Variants in COL25A1 observed in about 807,000 individuals in gnomAD.
COL25A1 encodes the protein collagen type XXV alpha 1 chain.
COL25A1 carries 103 observed loss-of-function variants against 128.4 expected under a neutral mutation model. That is an observed-to-expected ratio of 0.80 (90% confidence interval 0.68 to 0.94). The LOEUF is 0.94. Ranked by LOEUF, COL25A1 falls within the 40% of genes least tolerant of loss-of-function variation. The probability of loss-of-function intolerance (pLI) is 0.00; values close to 1 mark genes in which losing one functional copy is unlikely to be tolerated. For synonymous variants in COL25A1, 279 were observed against 277.2 expected, an observed-to-expected ratio of 1.01 and a Z score of -0.06; for missense variants, 745 against 840.0, an observed-to-expected ratio of 0.89 and a Z score of 1.40.
intron 35 of COL25A1, 71 bp from the exon 36 acceptor site, chr4:108,819,400 G>A (rs962047274): frequency 2.4e-6 from 3 of 1,268,092 alleles, no homozygotes; most frequent in African/African-American, 3.0e-5. Flanking sequence ...TGCGAAAGAA[G>A]TAACTACAAC....
At position 109,301,841 on chromosome 4, in the gene COL25A1, T is replaced by C. The variant is rs35861316; in HGVS notation, c.179A>G (p.Gln60Arg). Residue 60 changes from glutamine to arginine, a missense_variant, in exon 2 of 38, where the codon CAG becomes CGG. Physicochemically the swap from Gln to Arg is conservative, Grantham distance 43. Transcript: ENST00000399132. ...LYLGVKTNDLQARIAALESAK... is the reference protein window; with the variant it reads ...LYLGVKTNDLRARIAALESAK... ...GGATTCGAGAGCGGCGATCCTCGCC[T>C]GGAGGTCGTTGGTTTTCACACCCAG... 101 of 1,614,098 alleles carry C rather than the reference T, an allele frequency of 6.3e-5. No individual in the cohort carries two copies. Among genetic ancestry groups the C allele is most frequent in the Non-Finnish European group, 9.3e-6 (11 of 1,180,048 alleles).
At chr4:108,966,253 C>T (rs1751281200) in intron 8 of COL25A1, among the ~76,000 whole-genome samples, 1 of 124,480 alleles carries the variant, frequency 8.0e-6, no homozygotes, top group Non-Finnish European at 1.7e-5. Flanking sequence ...GGCCATTCAT[C>T]CATTCATATG....
At chr4:108,979,435 T>A (rs1752747811) in intron 6 of COL25A1, among the ~76,000 whole-genome samples, 1 of 152,126 alleles carries the variant, frequency 6.6e-6, no homozygotes, top group Non-Finnish European at 1.5e-5. Flanking sequence ...AGGCCTGGAG[T>A]AACCCAATCA....
In COL25A1 at chr4:108,845,207, C is replaced by T. The variant is rs765579041; in HGVS notation, c.1560G>A (p.Pro520=). ...GACTTACAGAAGGACCCTGTGGACC[C>T]GGCATTCCAGAATCTCCTTTTTCTC... ...MKGEKGDSGM[P]GPQGPSIIGP... The change falls in exon 29 of 38, where the codon CCG becomes CCA. Residue 520 remains proline, a synonymous_variant. Coordinates refer to ENST00000399132, the MANE Select transcript of COL25A1 (RefSeq NM_198721.4). 54 of 1,613,788 alleles carry T rather than the reference C, an allele frequency of 3.3e-5. No homozygotes were observed. Among genetic ancestry groups the T allele is most frequent in the Non-Finnish European group, 2.9e-5 (34 of 1,179,816 alleles).
chr4:108,832,545 C>T lies in COL25A1; in HGVS notation c.1657-112G>A, dbSNP rs890018719. 4 of 667,916 alleles carry T rather than the reference C, an allele frequency of 6.0e-6. No individual in the cohort carries two copies. In the Admixed American group the frequency reaches 1.2e-4, roughly 21 times the overall value. The allele number at this position is 667,916 out of a possible 1,614,324, so 41.4% of individuals were successfully genotyped here. A position where few individuals can be genotyped will look rare whatever the true frequency, so the allele number is the denominator to read the frequency against. ...GCCTAAGAATATCAGTAAGACAACT[C>T]ATCTCCTTTCAAAGTGCTTTATGCT... On this transcript the variant is annotated intron_variant, in intron 31 of 37. Coordinates refer to ENST00000399132, the MANE Select transcript of COL25A1 (RefSeq NM_198721.4).
chr4:108,968,359 T>C (rs763397165), intron 8 of COL25A1, among the ~76,000 whole-genome samples: 13 of 152,158 alleles, frequency 8.5e-5, no homozygotes, highest in Non-Finnish European at 1.5e-4. Flanking sequence ...ACTTCCACTC[T>C]CACTACTTAA....
chr4:109,207,415 A>C (rs1777101751), intron 3 of COL25A1, among the ~76,000 whole-genome samples: 1 of 152,016 alleles, frequency 6.6e-6, no homozygotes, highest in Non-Finnish European at 1.5e-5. Context: ...GATTTGCAAG[A>C]GGATCACTGA....
intron 31 of COL25A1, chr4:108,837,962 G>C: frequency 1.4e-6 from 1 of 695,910 alleles, no homozygotes. Context: ...ACTGGGCTGA[G>C]CTCTGCTCTA....
intron 6 of COL25A1, among the ~76,000 whole-genome samples, chr4:108,987,382 CT>C (rs36004961): frequency 0.77 from 109,195 of 141,688 alleles, 43,222 homozygotes; most frequent in East Asian, 1. Context: ...TTTTCTTTTT[CT>C]TTTTTTTTTT....
chr4:109,089,941 T>C (rs923784401), intron 3 of COL25A1, among the ~76,000 whole-genome samples: 47 of 152,206 alleles, frequency 3.1e-4, no homozygotes, highest in African/African-American at 1.0e-3. Flanking sequence ...AGGACTTTTT[T>C]TTTTTCAAAA....
chr4:108,832,975 A>ATAAATAAATAAATAAATAAATACT (rs1164341783), intron 31 of COL25A1, among the ~76,000 whole-genome samples: 2 of 53,206 alleles, frequency 3.8e-5, no homozygotes, highest in Non-Finnish European at 8.6e-5. Context: ...TCAAAAAATA[A>ATAAATAAATAAATAAATAAATACT]TAAATAAATA....
At chr4:108,853,836 T>G (rs7688195) in intron 24 of COL25A1, among the ~76,000 whole-genome samples, 121,870 of 151,948 alleles carry the variant, frequency 0.8, 49,464 homozygotes, top group South Asian at 0.89. Context: ...TCCCTACAAA[T>G]GACATGAACT....
chr4:109,243,426 TA>T (rs1265960729), intron 3 of COL25A1, among the ~76,000 whole-genome samples: 2 of 151,662 alleles, frequency 1.3e-5, no homozygotes, highest in Non-Finnish European at 2.9e-5. Flanking sequence ...CTCTTTATCC[TA>T]AAAAAAATTT....
rs112769571 is a variant in COL25A1, at chr4:108,893,620, G to A, written c.906+3047C>T. Among the ~76,000 whole-genome samples the A allele has an allele frequency of 2.7e-3, 416 of 152,056 alleles. 3 individuals are homozygous for A. Among genetic ancestry groups the A allele is most frequent in the African/African-American group, 9.6e-3 (397 of 41,452 alleles). ...TTACTTTACCATCCAAAGGCGCTGA[G>A]TTGAATCAAAAGGAAAAAAAAATCC... On this transcript the variant is annotated intron_variant, in intron 16 of 37. Coordinates refer to ENST00000399132, the MANE Select transcript of COL25A1 (RefSeq NM_198721.4).
At chr4:109,173,279 G>A (rs1381043734) in intron 3 of COL25A1, among the ~76,000 whole-genome samples, 1 of 151,992 alleles carries the variant, frequency 6.6e-6, no homozygotes, top group African/African-American at 2.4e-5. Context: ...GTAGAGATGA[G>A]GTCTCACTAT....
At chr4:109,043,116 C>A (rs879343913) in intron 5 of COL25A1, among the ~76,000 whole-genome samples, 20 of 106,402 alleles carry the variant, frequency 1.9e-4, no homozygotes, top group Non-Finnish European at 3.1e-4. Context: ...CCAATGCTCA[C>A]CCTTCTCTGT....
chr4:109,078,858 G>A (rs1040376146), intron 3 of COL25A1, among the ~76,000 whole-genome samples: 2 of 152,200 alleles, frequency 1.3e-5, no homozygotes, highest in Non-Finnish European at 2.9e-5. Flanking sequence ...AGCAGCTACA[G>A]CACACTGGCT....
chr4:108,833,393 C>CA (rs1733403948), intron 31 of COL25A1, among the ~76,000 whole-genome samples: 2 of 152,120 alleles, frequency 1.3e-5, no homozygotes, highest in Non-Finnish European at 2.9e-5. Flanking sequence ...AGGATTTCTG[C>CA]AGTAGAAGAG....
At chr4:108,908,724 G>A (rs981982791) in intron 13 of COL25A1, among the ~76,000 whole-genome samples, 2 of 152,168 alleles carry the variant, frequency 1.3e-5, no homozygotes, top group African/African-American at 4.8e-5. Flanking sequence ...GGCTGTGCAG[G>A]AGACCAGAGT....
Sources: gnomAD v4.1 joint callset for allele counts (sites outside exome capture counted in the v4.1 genomes callset) on GRCh38, gnomAD v4.1.1 for gene constraint, MANE v1.5 for transcripts, NCBI Gene and HGNC (gene_info 2026-07-23, HGNC 2026-07-21) for gene names.